The following ADTRP variants were observed in gnomAD, a reference collection of about 807,000 sequenced individuals.
ADTRP encodes the protein androgen-dependent TFPI-regulating protein.
ADTRP carries 20 observed loss-of-function variants against 27.0 expected under a neutral mutation model. That is an observed-to-expected ratio of 0.74 (90% confidence interval 0.52 to 1.08). The LOEUF (loss-of-function observed/expected upper bound fraction) is 1.08, where lower values mean the gene tolerates loss of function less well. Ranked by LOEUF, ADTRP falls within the 50% of genes least tolerant of loss-of-function variation. The probability of loss-of-function intolerance (pLI) is 0.00; values close to 1 mark genes in which losing one functional copy is unlikely to be tolerated. For missense variants in ADTRP, 251 were observed against 275.0 expected (o/e 0.91, Z 0.62); for synonymous variants, 101 against 105.2 (o/e 0.96, Z 0.25).
chr6:11,759,871 A>T (rs1359299184), intron 3 of ADTRP, among the ~76,000 whole-genome samples: 5 of 152,160 alleles, frequency 3.3e-5, no homozygotes, highest in East Asian at 1.9e-4. Flanking sequence ...ACAAAAGGTG[A>T]TGTGAAGATG....
At chr6:11,768,106 G>T in intron 2 of ADTRP, 143 bp downstream of exon 2, 1 of 975,494 alleles carries the variant, frequency 1.0e-6, no homozygotes, top group Non-Finnish European at 1.5e-6. Flanking sequence ...GGGCAATGTG[G>T]CGCAGTCCTC....
At chr6:11,715,641 T>C (rs903263167) in intron 5 of ADTRP, among the ~76,000 whole-genome samples, 50 of 122,646 alleles carry the variant, frequency 4.1e-4, no homozygotes, top group African/African-American at 1.4e-3. Flanking sequence ...TTCTCTTCTG[T>C]TTTTCCCTTT....
intron 3 of ADTRP, among the ~76,000 whole-genome samples, chr6:11,756,199 C>A (rs1489790946): frequency 6.6e-6 from 1 of 152,066 alleles, no homozygotes; most frequent in Non-Finnish European, 1.5e-5. Flanking sequence ...CCATCTCTAG[C>A]AAACACAAAA....
intron 5 of ADTRP, chr6:11,717,420 G>A: frequency 7.7e-7 from 1 of 1,303,856 alleles, no homozygotes; most frequent in South Asian, 1.2e-5. Flanking sequence ...AGAAACTGCA[G>A]GCATGGCCAA....
chr6:11,714,146 C>CCT lies in ADTRP; in HGVS notation c.*330_*331dup, dbSNP rs924795791. 1.1e-4 allele frequency: 30 copies of CCT among 281,588 alleles called. No individual in the cohort carries two copies. The highest frequency in any genetic ancestry group is 1.7e-4 in the South Asian group (4 of 24,102). The allele number at this position is 281,588 out of a possible 1,614,324, so 17.4% of individuals were successfully genotyped here. ...TGAAGAGTTTAAATGACTCTAAGTT[C>CCT]CTCTCTCTCTCTCTAGATGTTCTCT... is the stretch of plus-strand genomic sequence containing the variant. On this transcript the variant is annotated 3_prime_UTR_variant, in exon 6 of 6. Transcript: ENST00000414691.
At chr6:11,721,114 G>A (rs1331874693) in intron 5 of ADTRP, among the ~76,000 whole-genome samples, 1 of 152,230 alleles carries the variant, frequency 6.6e-6, no homozygotes, top group Admixed American at 6.5e-5. Flanking sequence ...AGGTAAAGGG[G>A]GAAGCACTGG....
At chr6:11,757,703 G>A (rs979024976) in intron 3 of ADTRP, among the ~76,000 whole-genome samples, 1 of 152,178 alleles carries the variant, frequency 6.6e-6, no homozygotes, top group Non-Finnish European at 1.5e-5. Context: ...CACACAAACA[G>A]GGGAAATGTC....
Position 11,728,859 on chromosome 6 carries a change from A to C in ADTRP, c.507-5359T>G, listed in dbSNP as rs989057499. 2.6e-5 allele frequency among the ~76,000 whole-genome samples: 4 copies of C among 152,116 alleles called. 1 individual carries two copies. Among genetic ancestry groups the C allele is most frequent in the Non-Finnish European group, 5.9e-5 (4 of 68,008 alleles). On this transcript the variant is annotated intron_variant, in intron 4 of 5. Transcript: ENST00000414691. ...CCACCACAGGCTCTGGAAATTTGGA[A>C]ATGTACCCAGTGGCCTTTCAAGTTT...
At chr6:11,717,482 C>T in intron 5 of ADTRP, 2 of 1,225,854 alleles carry the variant, frequency 1.6e-6, no homozygotes, top group Non-Finnish European at 2.1e-6. Flanking sequence ...TAATTATATG[C>T]CTTATTATTC....
intron 5 of ADTRP, among the ~76,000 whole-genome samples, chr6:11,721,258 C>T (rs765129529): frequency 5.3e-5 from 8 of 152,126 alleles, no homozygotes; most frequent in Non-Finnish European, 8.8e-5. Flanking sequence ...ACAACATCAA[C>T]GTGGAGGGAA....
intron 4 of ADTRP, among the ~76,000 whole-genome samples, chr6:11,730,231 A>G (rs1022182251): frequency 3.9e-5 from 6 of 152,140 alleles, no homozygotes; most frequent in Non-Finnish European, 7.4e-5. Flanking sequence ...CTTTTTAATT[A>G]ATTTTCATAT....
chr6:11,773,213 GGAA>G (rs373387062), intron 1 of ADTRP, among the ~76,000 whole-genome samples: 281 of 152,224 alleles, frequency 1.8e-3, no homozygotes, highest in African/African-American at 6.3e-3. Context: ...AAGAAGAAGT[GGAA>G]GAAGATGATG....
At chr6:11,733,897 G>T (rs1054378905) in intron 4 of ADTRP, among the ~76,000 whole-genome samples, 4 of 152,084 alleles carry the variant, frequency 2.6e-5, no homozygotes, top group African/African-American at 9.7e-5. Context: ...AGTGGCCTTA[G>T]GTGCTTTTCA....
chr6:11,723,937 G>C (rs1762101671), intron 4 of ADTRP, among the ~76,000 whole-genome samples: 1 of 152,160 alleles, frequency 6.6e-6, no homozygotes, highest in Non-Finnish European at 1.5e-5. Context: ...GCTCAGGCCT[G>C]TAATCCCAGC....
intron 3 of ADTRP, among the ~76,000 whole-genome samples, chr6:11,748,521 T>C (rs377611479): frequency 6.6e-6 from 1 of 152,250 alleles, no homozygotes; most frequent in Non-Finnish European, 1.5e-5. Flanking sequence ...ATGTGGTCCC[T>C]GGCCTTGCAG....
chr6:11,725,990 G>T (rs890784931), intron 4 of ADTRP, among the ~76,000 whole-genome samples: 1 of 151,616 alleles, frequency 6.6e-6, no homozygotes, highest in African/African-American at 2.4e-5. Context: ...ATAGCCTGAA[G>T]GTGGAATCTC....
At chr6:11,739,136 T>C (rs1285747202) in intron 3 of ADTRP, among the ~76,000 whole-genome samples, 1 of 152,206 alleles carries the variant, frequency 6.6e-6, no homozygotes, top group East Asian at 1.9e-4. Context: ...TGACACAAAT[T>C]AGAATGCTGC....
At chr6:11,749,469 A>G (rs1285053112) in intron 3 of ADTRP, among the ~76,000 whole-genome samples, 1 of 152,196 alleles carries the variant, frequency 6.6e-6, no homozygotes, top group Non-Finnish European at 1.5e-5. Flanking sequence ...GCACATGGAA[A>G]GAACAAAAGC....
intron 1 of ADTRP, among the ~76,000 whole-genome samples, chr6:11,768,690 A>C (rs1169709165): frequency 3.3e-5 from 5 of 152,214 alleles, no homozygotes; most frequent in Non-Finnish European, 5.9e-5. Flanking sequence ...AAGGAGATGG[A>C]TACCTTGACG....
Sources: gnomAD v4.1 joint callset for allele counts (sites outside exome capture counted in the v4.1 genomes callset) on GRCh38, gnomAD v4.1.1 for gene constraint, MANE v1.5 for transcripts, NCBI Gene and HGNC (gene_info 2026-07-23, HGNC 2026-07-21) for gene names.